The following LUZP2 variants were observed in gnomAD, a reference collection of about 807,000 sequenced individuals.
LUZP2 encodes leucine zipper protein 2.
LUZP2 carries 52 observed loss-of-function variants against 51.6 expected under a neutral mutation model. The ratio of observed to expected loss-of-function variants is 1.01; its 90% CI spans 0.81 to 1.27. LUZP2 has a LOEUF of 1.27. LUZP2 is among the 50% of genes most tolerant of loss of function. The pLI, the probability that LUZP2 is intolerant of heterozygous loss-of-function variation, is 0.00. For missense variants in LUZP2, 436 were observed against 395.4 expected, an observed-to-expected ratio of 1.10 and a Z score of -0.87; for synonymous variants, 154 against 137.3, an observed-to-expected ratio of 1.12 and a Z score of -0.85.
chr11:24,799,779 G>C (rs1176147059), intron 5 of LUZP2, among the ~76,000 whole-genome samples: 2 of 151,976 alleles, frequency 1.3e-5, no homozygotes, highest in African/African-American at 4.8e-5. Flanking sequence ...AATCAAATAT[G>C]GGGAAATGAT....
At chr11:24,807,052 A>G (rs537426980) in intron 5 of LUZP2, among the ~76,000 whole-genome samples, 4 of 148,662 alleles carry the variant, frequency 2.7e-5, no homozygotes, top group African/African-American at 9.9e-5. Flanking sequence ...AAGGAGAGAT[A>G]CGGTCTAGAT....
chr11:24,786,566 A>G, intron 5 of LUZP2: 2 of 337,666 alleles, frequency 5.9e-6, no homozygotes, highest in Non-Finnish European at 8.3e-6. Context: ...GTATATAATT[A>G]TATAATATAT....
intron 9 of LUZP2, among the ~76,000 whole-genome samples, chr11:25,017,232 C>G (rs1233556261): frequency 6.6e-6 from 1 of 152,082 alleles, no homozygotes; most frequent in African/African-American, 2.4e-5. Flanking sequence ...TATGTTTACT[C>G]TGATGATGAT....
chr11:24,553,741 G>GT (rs1189672805), intron 1 of LUZP2, among the ~76,000 whole-genome samples: 2 of 152,058 alleles, frequency 1.3e-5, no homozygotes, highest in Admixed American at 1.3e-4. Flanking sequence ...GCTATGGTAC[G>GT]TATCTGTGCC....
intron 8 of LUZP2, 41 bp downstream of exon 8, chr11:24,976,706 CAAAAAAAAA>C (rs57265111): frequency 1.4e-3 from 463 of 332,852 alleles, no homozygotes; most frequent in Middle Eastern, 5.3e-3. Context: ...GTAGTTTTAG[CAAAAAAAAA>C]AAAAAAAAAA....
chr11:24,685,807 G>A (rs1024025773), intron 1 of LUZP2, among the ~76,000 whole-genome samples: 5 of 152,122 alleles, frequency 3.3e-5, no homozygotes, highest in East Asian at 3.9e-4. Context: ...AATTATTTAT[G>A]TTATTTATGG....
intron 10 of LUZP2, among the ~76,000 whole-genome samples, chr11:25,069,669 T>C (rs1565307845): frequency 6.6e-6 from 1 of 151,936 alleles, no homozygotes; most frequent in Non-Finnish European, 1.5e-5. Context: ...AGGGTATACA[T>C]GTCTATATTT....
At chr11:24,791,690 A>T (rs1452425842) in intron 5 of LUZP2, among the ~76,000 whole-genome samples, 1 of 152,100 alleles carries the variant, frequency 6.6e-6, no homozygotes, top group Non-Finnish European at 1.5e-5. Flanking sequence ...TAGTTCTTTG[A>T]TTATTTTGAA....
intron 1 of LUZP2, among the ~76,000 whole-genome samples, chr11:24,528,135 G>A (rs1459371743): frequency 6.6e-6 from 1 of 151,182 alleles, no homozygotes; most frequent in Non-Finnish European, 1.5e-5. Flanking sequence ...ATGGATAATT[G>A]AAAATATAAA....
intron 8 of LUZP2, among the ~76,000 whole-genome samples, chr11:24,982,916 A>G (rs1211103628): frequency 6.6e-6 from 1 of 151,884 alleles, no homozygotes; most frequent in African/African-American, 2.4e-5. Flanking sequence ...TTCAGTGTTC[A>G]AAATATATCA....
chr11:24,504,480 C>T (rs913304319), intron 1 of LUZP2, among the ~76,000 whole-genome samples: 11 of 152,014 alleles, frequency 7.2e-5, no homozygotes, highest in Non-Finnish European at 1.3e-4. Flanking sequence ...GTTCTTTAAC[C>T]ATTCTGAAAC....
intron 7 of LUZP2, among the ~76,000 whole-genome samples, chr11:24,920,675 A>G (rs1854020772): frequency 6.6e-6 from 1 of 151,644 alleles, no homozygotes; most frequent in African/African-American, 2.4e-5. Context: ...ATTAAGTGAA[A>G]CAACCCAGAC....
At chr11:24,936,540 AT>A (rs58991994) in intron 7 of LUZP2, among the ~76,000 whole-genome samples, 88,331 of 150,104 alleles carry the variant, frequency 0.59, 26,533 homozygotes, top group East Asian at 0.83. Flanking sequence ...GAGTAAGGCA[AT>A]TTTTTTTTTT....
chr11:25,023,337 T>C (rs1857394158), intron 9 of LUZP2, among the ~76,000 whole-genome samples: 1 of 152,164 alleles, frequency 6.6e-6, no homozygotes, highest in Non-Finnish European at 1.5e-5. Context: ...ATTGGTCTAT[T>C]CGGGGATTCA....
chr11:24,502,647 A>G (rs1030700853), intron 1 of LUZP2, among the ~76,000 whole-genome samples: 1 of 152,078 alleles, frequency 6.6e-6, no homozygotes, highest in Admixed American at 6.6e-5. Flanking sequence ...CGACCTGCCA[A>G]AGTGCTGGGA....
intron 1 of LUZP2, 149 bp from the exon 2 acceptor site, chr11:24,729,020 C>G: frequency 2.2e-6 from 1 of 451,496 alleles, no homozygotes; most frequent in East Asian, 3.2e-5. Context: ...CAATTTTCCC[C>G]TTTTATATGA....
Position 25,003,976 on chromosome 11 carries a change from G to A in LUZP2, c.765+20683G>A, listed in dbSNP as rs138300219. Among the ~76,000 whole-genome samples, 1,008 of 152,278 alleles carry A rather than the reference G, an allele frequency of 6.6e-3. 31 individuals carry two copies. The East Asian group carries it at 0.094, about 14-fold the overall frequency. Reference sequence around the variant, plus strand: ...TTTACAGGCTGTCCCAGGATTCCTCGGATGGTAACGGACCTTGAAGACAGT... The same window carrying A: ...TTTACAGGCTGTCCCAGGATTCCTCAGATGGTAACGGACCTTGAAGACAGT... On this transcript the variant is annotated intron_variant, in intron 9 of 11. Transcript: ENST00000336930.
At chr11:24,602,030 A>G (rs1010343807) in intron 1 of LUZP2, among the ~76,000 whole-genome samples, 1 of 144,826 alleles carries the variant, frequency 6.9e-6, no homozygotes, top group Non-Finnish European at 1.5e-5. Flanking sequence ...ATATGTGTAT[A>G]TATGTATATC....
Position 24,993,175 on chromosome 11 carries a change from C to G in LUZP2, c.765+9882C>G, listed in dbSNP as rs542880962. 1.5e-3 allele frequency among the ~76,000 whole-genome samples: 233 copies of G among 152,204 alleles called. 2 individuals are homozygous for G. Among genetic ancestry groups the G allele is most frequent in the Middle Eastern group, 6.8e-3 (2 of 294 alleles). Reference sequence around the variant, plus strand: ...GTATTACCATTATCTGTCTGGAAAACTACAGTTCTTGTCTCTATGCCCCAC... The same window carrying G: ...GTATTACCATTATCTGTCTGGAAAAGTACAGTTCTTGTCTCTATGCCCCAC... On this transcript the variant is annotated intron_variant, in intron 9 of 11. Coordinates refer to ENST00000336930, the MANE Select transcript of LUZP2 (RefSeq NM_001009909.4).
Sources: gnomAD v4.1 joint callset for allele counts (sites outside exome capture counted in the v4.1 genomes callset) on GRCh38, gnomAD v4.1.1 for gene constraint, MANE v1.5 for transcripts, NCBI Gene and HGNC (gene_info 2026-07-23, HGNC 2026-07-21) for gene names.